Variants in PRKN observed in about 807,000 individuals in gnomAD.
PRKN encodes the protein parkin RBR E3 ubiquitin protein ligase, also known as E3 ubiquitin-protein ligase parkin.
A neutral mutation model predicts 59.5 loss-of-function variants in PRKN; 56 were observed. The observed-to-expected ratio is 0.94, with a 90% CI of 0.76 to 1.18. The LOEUF is 1.18. PRKN is among the 50% of genes most tolerant of loss of function. The pLI is 0.00. For missense variants in PRKN, 657 were observed against 596.4 expected, an observed-to-expected ratio of 1.10 and a Z score of -1.06; for synonymous variants, 250 against 222.1, an observed-to-expected ratio of 1.13 and a Z score of -1.12.
chr6:162,060,880 A>G (rs1051106211), intron 4 of PRKN, among the ~76,000 whole-genome samples: 1 of 152,236 alleles, frequency 6.6e-6, no homozygotes, highest in Non-Finnish European at 1.5e-5. Context: ...GTCATCGAAT[A>G]TGAAGGATTT....
In PRKN at chr6:162,336,112, C is replaced by T. The variant is rs142103230; in HGVS notation, c.172-73347G>A. On this transcript the variant is annotated intron_variant, in intron 2 of 11. Transcript: ENST00000366898. The stretch of plus-strand genomic sequence containing the variant: ...CTCCATCTGTGAAATACCAGAGCAG[C>T]AAACAGGAGTATGAGAGGTTTCCAT... 6.2e-3 allele frequency among the ~76,000 whole-genome samples: 937 copies of T among 152,148 alleles called. 12 individuals are homozygous for T. Among genetic ancestry groups the T allele is most frequent in the Non-Finnish European group, 8.7e-3 (591 of 68,016 alleles).
intron 6 of PRKN, among the ~76,000 whole-genome samples, chr6:161,905,701 C>T (rs1778115526): frequency 6.6e-6 from 1 of 151,612 alleles, no homozygotes; most frequent in African/African-American, 2.4e-5. Flanking sequence ...TGGCTCACAC[C>T]TGTAATCTCA....
At chr6:161,806,949 A>C (rs1178442592) in intron 6 of PRKN, among the ~76,000 whole-genome samples, 1 of 151,896 alleles carries the variant, frequency 6.6e-6, no homozygotes, top group East Asian at 1.9e-4. Context: ...AACCCACCTA[A>C]CTCCCACTGT....
intron 1 of PRKN, among the ~76,000 whole-genome samples, chr6:162,563,970 G>C (rs1779955179): frequency 7.4e-6 from 1 of 134,544 alleles, no homozygotes; most frequent in Non-Finnish European, 1.7e-5. Flanking sequence ...TGAAAATACA[G>C]AGTCTGAGGA....
At chr6:162,655,595 G>A (rs1778614730) in intron 1 of PRKN, among the ~76,000 whole-genome samples, 1 of 152,072 alleles carries the variant, frequency 6.6e-6, no homozygotes, top group South Asian at 2.1e-4. Flanking sequence ...ACTTTAATTT[G>A]ATGGTTTTAA....
In PRKN at chr6:162,077,373, T is replaced by C. The variant is rs148227699; in HGVS notation, c.535-23199A>G. 1.3e-4 allele frequency among the ~76,000 whole-genome samples: 20 copies of C among 152,246 alleles called. 1 individual carries two copies. The highest frequency in any genetic ancestry group is 4.6e-4 in the African/African-American group (19 of 41,502). On this transcript the variant is annotated intron_variant, in intron 4 of 11. Transcript: ENST00000366898. ...AACACATGCTATGATGTTCGCACAA[T>C]GACAAAATCACCTAACAACACATTG...
chr6:162,276,000 A>G (rs1780621107), intron 2 of PRKN, among the ~76,000 whole-genome samples: 1 of 152,196 alleles, frequency 6.6e-6, no homozygotes, highest in African/African-American at 2.4e-5. Flanking sequence ...CTAGACCTGT[A>G]ATAAATCATT....
At chr6:162,662,276 T>C (rs1327582261) in intron 1 of PRKN, among the ~76,000 whole-genome samples, 4 of 151,830 alleles carry the variant, frequency 2.6e-5, no homozygotes, top group Admixed American at 1.3e-4. Context: ...CTTTTTTTTT[T>C]TTTTCTTGTT....
intron 5 of PRKN, among the ~76,000 whole-genome samples, chr6:161,988,485 C>G (rs1334138851): frequency 2.7e-5 from 4 of 149,530 alleles, no homozygotes; most frequent in Non-Finnish European, 5.9e-5. Context: ...GACTCCGTCT[C>G]AAAAAAACAA....
chr6:161,721,978 A>T (rs569430184), intron 7 of PRKN, among the ~76,000 whole-genome samples: 115 of 152,218 alleles, frequency 7.6e-4, no homozygotes, highest in African/African-American at 2.3e-3. Context: ...TTGGAAGCTA[A>T]TTTTTTCCAC....
At chr6:161,807,551 C>T (rs1300320780) in intron 6 of PRKN, among the ~76,000 whole-genome samples, 3 of 152,192 alleles carry the variant, frequency 2.0e-5, no homozygotes, top group South Asian at 2.1e-4. Context: ...CCAAAGGCCA[C>T]GCTTCGTCTG....
At chr6:162,270,769 T>C (rs1381069690) in intron 2 of PRKN, 1 of 152,164 alleles carries the variant, frequency 6.6e-6, no homozygotes, top group Admixed American at 6.5e-5. Context: ...CCTTAAATTG[T>C]CCTTTTTTGT....
At chr6:162,160,447 T>C (rs952238695) in intron 4 of PRKN, among the ~76,000 whole-genome samples, 7 of 152,142 alleles carry the variant, frequency 4.6e-5, no homozygotes, top group Non-Finnish European at 8.8e-5. Context: ...AGTCGGAGAC[T>C]TTCCTGGTTC....
In PRKN at chr6:162,358,207, T is replaced by C. The variant is rs577210194; in HGVS notation, c.171+85103A>G. ...AATCTTTGTGCAACTTTTCTGTATG[T>C]ACAATTTGTCTGTAATCCTAAAATT... is the stretch of plus-strand genomic sequence containing the variant. On this transcript the variant is annotated intron_variant, in intron 2 of 11. Coordinates refer to ENST00000366898, the MANE Select transcript of PRKN (RefSeq NM_004562.3). Among the ~76,000 whole-genome samples, 5 of 152,368 alleles carry C rather than the reference T, an allele frequency of 3.3e-5. No homozygotes were observed. In the East Asian group the frequency reaches 9.6e-4, roughly 29 times the overall value.
In PRKN at chr6:161,350,209, C is replaced by T. The variant is rs1226997153; in HGVS notation, c.1288G>A (p.Gly430Ser). Residue 430 changes from glycine to serine, a missense_variant and splice_region_variant, in exon 12 of 12, where the codon GGC (glycine) becomes AGC (serine). Gly to Ser is a moderately conservative substitution (Grantham distance 56). Transcript: ENST00000366898. ...TGCGGACACTTCATGTGCATGCAGC[C>T]TCCTGTTGGGGGCAGAAAACAAAGG... ...RCHVPVEKNGGCMHMKCPQPQ... is the reference protein window; with the variant it reads ...RCHVPVEKNGSCMHMKCPQPQ... 5 of 1,611,632 alleles carry T rather than the reference C, an allele frequency of 3.1e-6. No homozygotes were observed. Among genetic ancestry groups the T allele is most frequent in the Admixed American group, 1.7e-5 (1 of 59,918 alleles).
chr6:161,852,382 G>C (rs1165283755), intron 6 of PRKN, among the ~76,000 whole-genome samples: 2 of 152,086 alleles, frequency 1.3e-5, no homozygotes, highest in African/African-American at 4.8e-5. Context: ...GAACCCAAGA[G>C]TTTGAGGCTG....
chr6:162,549,554 T>G (rs951079489), intron 1 of PRKN, among the ~76,000 whole-genome samples: 7 of 152,018 alleles, frequency 4.6e-5, no homozygotes, highest in Non-Finnish European at 8.8e-5. Context: ...CAAAGACGGA[T>G]AAAATCAGAG....
chr6:162,605,874 T>A (rs1365576626), intron 1 of PRKN, among the ~76,000 whole-genome samples: 1 of 152,150 alleles, frequency 6.6e-6, no homozygotes, highest in African/African-American at 2.4e-5. Flanking sequence ...GCTTCTATTT[T>A]AAGTATTCAT....
At chr6:161,934,103 G>A (rs577251807) in intron 6 of PRKN, among the ~76,000 whole-genome samples, 1 of 152,334 alleles carries the variant, frequency 6.6e-6, no homozygotes, top group Admixed American at 6.5e-5. Flanking sequence ...AATCACGGGG[G>A]CGCTTCGCCA....
Sources: gnomAD v4.1 joint callset for allele counts (sites outside exome capture counted in the v4.1 genomes callset) on GRCh38, gnomAD v4.1.1 for gene constraint, MANE v1.5 for transcripts, NCBI Gene and HGNC (gene_info 2026-07-23, HGNC 2026-07-21) for gene names.